The following CDC42SE2 variants were observed in gnomAD, a reference collection of about 807,000 sequenced individuals.
CDC42SE2 encodes the protein CDC42 small effector protein 2.
In CDC42SE2, 3 loss-of-function variants were observed where a neutral mutation model predicts 11.5. The ratio of observed to expected loss-of-function variants is 0.26; its 90% CI spans 0.12 to 0.67. The LOEUF (loss-of-function observed/expected upper bound fraction) is 0.67. Among genes scored for constraint, CDC42SE2 ranks in the 30% least tolerant of loss-of-function variants. The pLI, the probability that CDC42SE2 is intolerant of heterozygous loss-of-function variation, is 0.80. For missense variants in CDC42SE2, 82 were observed against 106.8 expected (o/e 0.77, Z 1.02); for synonymous variants, 33 against 34.8 (o/e 0.95, Z 0.18).
In CDC42SE2 at chr5:131,370,572, C is replaced by T. The variant is rs555110226; in HGVS notation, c.54+11025C>T. Among the ~76,000 whole-genome samples, 8 of 152,100 alleles carry T rather than the reference C, an allele frequency of 5.3e-5. No individual in the cohort carries two copies. The East Asian group carries it at 1.5e-3, about 29-fold the overall frequency. On this transcript the variant is annotated intron_variant, in intron 3 of 4. Transcript: ENST00000505065. Reference sequence around the variant, plus strand: ...TTCTGGCCACAAGTGATCTTCCTGCCTCAGCCTCCCAAAGTGCTGGGATTA... The same window carrying T: ...TTCTGGCCACAAGTGATCTTCCTGCTTCAGCCTCCCAAAGTGCTGGGATTA...
chr5:131,217,308 A>G, the CDC42SE2 span, among the ~76,000 whole-genome samples: 1 of 152,226 alleles, frequency 6.6e-6, no homozygotes, highest in Admixed American at 6.5e-5. Context: ...ATCTCTTTAC[A>G]TAAAAAGTCT....
intron 1 of CDC42SE2, among the ~76,000 whole-genome samples, chr5:131,299,980 A>G (rs543233459): frequency 2.6e-5 from 4 of 152,316 alleles, no homozygotes; most frequent in African/African-American, 7.2e-5. Flanking sequence ...CAAATGGTCT[A>G]TCCTACCCAG....
At chr5:131,361,016 T>C (rs1749689499) in intron 3 of CDC42SE2, among the ~76,000 whole-genome samples, 1 of 151,440 alleles carries the variant, frequency 6.6e-6, no homozygotes, top group Non-Finnish European at 1.5e-5. Flanking sequence ...TTCTTTATTT[T>C]TTTTCTTGTT....
the CDC42SE2 span, among the ~76,000 whole-genome samples, chr5:131,234,360 G>A: frequency 2.6e-5 from 4 of 152,082 alleles, no homozygotes; most frequent in East Asian, 1.9e-4. Context: ...TAGATAGGCC[G>A]GGCGCAGTGG....
intron 1 of CDC42SE2, among the ~76,000 whole-genome samples, chr5:131,290,160 A>G (rs1180893867): frequency 6.6e-6 from 1 of 152,038 alleles, no homozygotes; most frequent in Admixed American, 6.6e-5. Flanking sequence ...ACTTTCTTTT[A>G]TAACATAGAA....
chr5:131,263,009 GTGGCC>G (rs1242923926), upstream of CDC42SE2, among the ~76,000 whole-genome samples: 10 of 151,874 alleles, frequency 6.6e-5, no homozygotes, highest in African/African-American at 2.2e-4. Context: ...CTGGAGTGCA[GTGGCC>G]TGATGATGGC....
In CDC42SE2 at chr5:131,394,105, A is replaced by C. The variant is rs1750775231; in HGVS notation, c.*3014A>C. ...CCCACTTTTATAAAGGGGGTTGTAA[A>C]TCTCAAGAGGTCATTTGTTCCCCAT... On this transcript the variant is annotated 3_prime_UTR_variant, in exon 5 of 5. Coordinates refer to ENST00000505065, the MANE Select transcript of CDC42SE2 (RefSeq NM_001375635.1). 1 of 152,320 alleles carries C rather than the reference A, an allele frequency of 6.6e-6. No individual in the cohort carries two copies. Among genetic ancestry groups the C allele is most frequent in the Non-Finnish European group, 1.5e-5 (1 of 68,016 alleles). The allele number at this position is 152,320 out of a possible 1,614,324, so 9.4% of individuals were successfully genotyped here.
chr5:131,284,595 T>C (rs1390596997), intron 1 of CDC42SE2, among the ~76,000 whole-genome samples: 2 of 152,114 alleles, frequency 1.3e-5, no homozygotes, highest in Non-Finnish European at 2.9e-5. Context: ...CTCAGCCTCC[T>C]GAGTAGTTAG....
At chr5:131,289,686 AG>A (rs1228296270) in intron 1 of CDC42SE2, among the ~76,000 whole-genome samples, 1 of 151,780 alleles carries the variant, frequency 6.6e-6, no homozygotes, top group Non-Finnish European at 1.5e-5. Context: ...AAAAAAAAAA[AG>A]AGTTTGTAGC....
chr5:131,387,455 C>G (rs866577117), intron 4 of CDC42SE2, among the ~76,000 whole-genome samples: 4 of 151,850 alleles, frequency 2.6e-5, no homozygotes, highest in African/African-American at 9.7e-5. Context: ...GGAGGCTGAG[C>G]GGGGAGGACT....
chr5:131,332,706 T>C (rs808888), intron 2 of CDC42SE2, among the ~76,000 whole-genome samples: 65,108 of 151,652 alleles, frequency 0.43, 17,971 homozygotes, highest in African/African-American at 0.79. Flanking sequence ...ATTTGCATTT[T>C]TCTGATGGCC....
At chr5:131,222,923 T>G in the CDC42SE2 span, among the ~76,000 whole-genome samples, 1 of 152,234 alleles carries the variant, frequency 6.6e-6, no homozygotes, top group Non-Finnish European at 1.5e-5. Context: ...GCTTTCAGCT[T>G]TGTCCTAGAT....
chr5:131,278,413 G>C (rs1757148390), intron 1 of CDC42SE2, among the ~76,000 whole-genome samples: 1 of 151,984 alleles, frequency 6.6e-6, no homozygotes, highest in Admixed American at 6.6e-5. Flanking sequence ...GAAAATTTAG[G>C]AACTGTTGTG....
intron 3 of CDC42SE2, among the ~76,000 whole-genome samples, chr5:131,365,150 C>T (rs967612238): frequency 4.6e-5 from 7 of 151,804 alleles, no homozygotes; most frequent in East Asian, 1.9e-4. Context: ...AATAGCTGGG[C>T]GTGGTGTCGC....
chr5:131,263,234 T>C (rs1022795398), upstream of CDC42SE2, among the ~76,000 whole-genome samples: 4 of 151,864 alleles, frequency 2.6e-5, no homozygotes, highest in Non-Finnish European at 4.4e-5. Context: ...ATGGATGATA[T>C]AAAGTTTTTG....
At chr5:131,305,564 G>A (rs754160434) in intron 1 of CDC42SE2, among the ~76,000 whole-genome samples, 16 of 152,162 alleles carry the variant, frequency 1.1e-4, no homozygotes, top group Admixed American at 2.0e-4. Context: ...GTCTTCTTTT[G>A]AGAAATGTCT....
At chr5:131,289,153 T>C (rs892253066) in intron 1 of CDC42SE2, among the ~76,000 whole-genome samples, 2 of 152,208 alleles carry the variant, frequency 1.3e-5, no homozygotes, top group African/African-American at 4.8e-5. Flanking sequence ...CATAATGTAT[T>C]GACTAAGATC....
the CDC42SE2 span, among the ~76,000 whole-genome samples, chr5:131,239,822 C>T: frequency 1.3e-5 from 2 of 152,200 alleles, no homozygotes; most frequent in African/African-American, 4.8e-5. Flanking sequence ...GGAAGGGGAT[C>T]TCTATCCCAA....
intron 2 of CDC42SE2, among the ~76,000 whole-genome samples, chr5:131,341,584 A>T (rs527422047): frequency 2.0e-4 from 30 of 152,218 alleles, no homozygotes; most frequent in Non-Finnish European, 3.5e-4. Flanking sequence ...GAAACAGAAC[A>T]TACCAACTTA....
Sources: allele counts gnomAD v4.1 joint callset (sites outside exome capture counted in the v4.1 genomes callset), GRCh38; gene constraint gnomAD v4.1.1; transcripts MANE v1.5; gene names NCBI Gene and HGNC (gene_info 2026-07-23, HGNC 2026-07-21).